The following CADM2 variants were observed in gnomAD, a reference collection of about 807,000 sequenced individuals.
The protein encoded by CADM2 is cell adhesion molecule 2, also known as immunoglobulin superfamily member 4D.
In CADM2, 12 loss-of-function variants were observed where a neutral mutation model predicts 49.8. The observed-to-expected ratio is 0.24, with a 90% CI of 0.15 to 0.39. The LOEUF is 0.39. CADM2 is among the 10% of genes least tolerant of loss of function. The pLI is 1.00. For missense variants in CADM2, 378 were observed against 492.3 expected, an observed-to-expected ratio of 0.77 and a Z score of 2.20; for synonymous variants, 214 against 175.4, an observed-to-expected ratio of 1.22 and a Z score of -1.74.
At chr3:85,481,328 AATTT>A (rs2107627460) in intron 1 of CADM2, among the ~76,000 whole-genome samples, 1 of 151,386 alleles carries the variant, frequency 6.6e-6, no homozygotes, top group East Asian at 1.9e-4. Flanking sequence ...TAAAAGAGTT[AATTT>A]ATCACCAATG....
intron 3 of CADM2, among the ~76,000 whole-genome samples, chr3:85,854,158 C>A (rs2075215556): frequency 6.6e-6 from 1 of 152,144 alleles, no homozygotes; most frequent in Non-Finnish European, 1.5e-5. Flanking sequence ...TTATCCTGGC[C>A]ATTCAGTAAG....
intron 1 of CADM2, among the ~76,000 whole-genome samples, chr3:85,474,841 T>C (rs2038913278): frequency 6.6e-6 from 1 of 151,914 alleles, no homozygotes; most frequent in South Asian, 2.1e-4. Context: ...ACAGAGCTTA[T>C]ATGTGCCATG....
chr3:85,719,757 G>A (rs373353160), intron 1 of CADM2, among the ~76,000 whole-genome samples: 1 of 152,028 alleles, frequency 6.6e-6, no homozygotes, highest in African/African-American at 2.4e-5. Flanking sequence ...TATTGCTCAC[G>A]GGTCAACTGT....
chr3:85,327,348 C>T (rs1415013554), intron 1 of CADM2, among the ~76,000 whole-genome samples: 1 of 151,896 alleles, frequency 6.6e-6, no homozygotes, highest in Non-Finnish European at 1.5e-5. Flanking sequence ...CTCCACCTCC[C>T]GAGTTCAAGT....
intron 1 of CADM2, among the ~76,000 whole-genome samples, chr3:85,560,046 G>A (rs1426787272): frequency 2.6e-5 from 4 of 151,938 alleles, no homozygotes; most frequent in South Asian, 2.1e-4. Flanking sequence ...GAATTAATTC[G>A]CCCCTCTTCT....
At chr3:85,391,863 A>T (rs1429395663) in intron 1 of CADM2, among the ~76,000 whole-genome samples, 1 of 152,132 alleles carries the variant, frequency 6.6e-6, no homozygotes, top group Non-Finnish European at 1.5e-5. Context: ...AAAAGACTGA[A>T]GAGGTTGTGG....
At chr3:85,454,343 T>A (rs2037893101) in intron 1 of CADM2, among the ~76,000 whole-genome samples, 1 of 151,926 alleles carries the variant, frequency 6.6e-6, no homozygotes, top group Admixed American at 6.6e-5. Flanking sequence ...AAATAAAAAG[T>A]TTTTAAAAAA....
chr3:85,824,753 A>G (rs1228927255), intron 3 of CADM2, among the ~76,000 whole-genome samples: 1 of 152,102 alleles, frequency 6.6e-6, no homozygotes, highest in Non-Finnish European at 1.5e-5. Flanking sequence ...GTGGCAGTCT[A>G]TCCTGTATGG....
intron 1 of CADM2, among the ~76,000 whole-genome samples, chr3:85,036,569 G>A (rs1011176228): frequency 7.2e-5 from 11 of 151,978 alleles, no homozygotes; most frequent in Non-Finnish European, 1.5e-4. Flanking sequence ...TTGCCTATTA[G>A]GTTGGTGCAA....
chr3:86,006,235 T>C (rs1730775069), intron 8 of CADM2, among the ~76,000 whole-genome samples: 1 of 152,180 alleles, frequency 6.6e-6, no homozygotes. Context: ...GCAGTATTTT[T>C]TGGAAAATGA....
At chr3:85,861,766 C>T (rs1456027380) in intron 3 of CADM2, among the ~76,000 whole-genome samples, 2 of 151,772 alleles carry the variant, frequency 1.3e-5, no homozygotes, top group African/African-American at 4.8e-5. Context: ...GGTTCTTGGC[C>T]TCATCCAAAT....
At position 85,859,224 on chromosome 3, in the gene CADM2, C is replaced by CTTTTTTTTTTTTTTTTTTT. The variant is rs397990427; in HGVS notation, c.239-24059_239-24041dup. Among the ~76,000 whole-genome samples, 43 of 70,606 alleles carry CTTTTTTTTTTTTTTTTTTT rather than the reference C, an allele frequency of 6.1e-4. 4 individuals carry two copies. The highest frequency in any genetic ancestry group is 1.6e-3 in the East Asian group (3 of 1,876). 46.3% of individuals were successfully genotyped at this position (70,606 alleles called of 152,430 possible). A position where few individuals can be genotyped will look rare whatever the true frequency, so the allele number is the denominator to read the frequency against. The stretch of plus-strand genomic sequence containing the variant: ...TACCTTGTGCTTTTCTTTTTTTTGT[C>CTTTTTTTTTTTTTTTTTTT]TTTTTTTTTTTTTTTTTTTTTTTTT... On this transcript the variant is annotated intron_variant, in intron 3 of 9. Transcript: ENST00000383699.
chr3:85,992,265 A>G (rs1278102336), intron 8 of CADM2: 1 of 152,066 alleles, frequency 6.6e-6, no homozygotes, highest in Admixed American at 6.5e-5. Context: ...TTTATTTTGC[A>G]TGCTTTTTAT....
At chr3:85,522,347 A>G (rs541502868) in intron 1 of CADM2, among the ~76,000 whole-genome samples, 1 of 151,998 alleles carries the variant, frequency 6.6e-6, no homozygotes, top group African/African-American at 2.4e-5. Flanking sequence ...TTTTTCTGTT[A>G]TATTTGAAGC....
intron 1 of CADM2, among the ~76,000 whole-genome samples, chr3:85,465,795 G>T (rs1260761927): frequency 6.6e-6 from 1 of 152,136 alleles, no homozygotes; most frequent in African/African-American, 2.4e-5. Flanking sequence ...AGAATTAAAT[G>T]AACACAGTGA....
At chr3:86,033,815 T>A (rs1734839173) in intron 8 of CADM2, among the ~76,000 whole-genome samples, 1 of 146,966 alleles carries the variant, frequency 6.8e-6, no homozygotes, top group Admixed American at 6.9e-5. Flanking sequence ...ATAATATACA[T>A]AATTATATAT....
chr3:85,316,543 G>A (rs2044468524), intron 1 of CADM2, among the ~76,000 whole-genome samples: 1 of 151,988 alleles, frequency 6.6e-6, no homozygotes, highest in Admixed American at 6.6e-5. Context: ...TTGTTAAATA[G>A]GTTTTGCCTT....
At chr3:85,162,022 AAAAG>A (rs573150989) in intron 1 of CADM2, among the ~76,000 whole-genome samples, 8 of 152,100 alleles carry the variant, frequency 5.3e-5, no homozygotes, top group African/African-American at 1.7e-4. Context: ...AGGAAAAACA[AAAAG>A]AAAGAAAGAA....
rs540819169 is a variant in CADM2 at position 85,517,981 on chromosome 3, T to C, written c.62-208541T>C. ...CTTCTTATTTAGAAAGACAAATGCA[T>C]GACTCTAGGACACAATTCAGCTATG... is the stretch of plus-strand genomic sequence containing the variant. On this transcript the variant is annotated intron_variant, in intron 1 of 9. Coordinates refer to ENST00000383699, the MANE Select transcript of CADM2 (RefSeq NM_001167675.2). Among the ~76,000 whole-genome samples the C allele has an allele frequency of 2.0e-5, 3 of 152,250 alleles. No individual in the cohort carries two copies. The East Asian group carries it at 5.8e-4, about 29-fold the overall frequency.
Sources: allele counts gnomAD v4.1 joint callset (sites outside exome capture counted in the v4.1 genomes callset), GRCh38; gene constraint gnomAD v4.1.1; transcripts MANE v1.5; gene names NCBI Gene and HGNC (gene_info 2026-07-23, HGNC 2026-07-21).